The following ERCC5 variants were observed in gnomAD, a reference collection of about 807,000 sequenced individuals.
ERCC5 encodes the protein ERCC excision repair 5, endonuclease.
Under a neutral mutation model 105.6 loss-of-function variants are expected in ERCC5, and 68 were observed. The observed-to-expected ratio is 0.64, with a 90% CI of 0.53 to 0.79. ERCC5 has a LOEUF of 0.79. Ranked by LOEUF, ERCC5 falls within the 30% of genes least tolerant of loss-of-function variation. ERCC5 has a pLI of 0.00. For missense variants in ERCC5, 1,373 were observed against 1,426.7 expected, an observed-to-expected ratio of 0.96 and a Z score of 0.61; for synonymous variants, 546 against 526.2, an observed-to-expected ratio of 1.04 and a Z score of -0.51.
intron 12 of ERCC5, 137 bp from the exon 13 acceptor site, chr13:102,872,061 A>G: frequency 9.5e-7 from 1 of 1,057,244 alleles, no homozygotes; most frequent in Non-Finnish European, 1.4e-6. Flanking sequence ...TAGTACTAAA[A>G]TTAATAAAAT....
chr13:102,872,379 G>T lies in ERCC5; in HGVS notation c.2860G>T (p.Asp954Tyr), dbSNP rs746282385. Residue 954 changes from aspartate to tyrosine, a missense_variant, in exon 13 of 15, where the codon GAT becomes TAT. Coordinates refer to ENST00000652225, the MANE Select transcript of ERCC5 (RefSeq NM_000123.4). ...GGGATCCTTTCTGTGGGGGAAACCT[G>T]ATCTCGACAAAATTAGAGAATATCC... ...SKGSFLWGKPDLDKIREFCQR... is the reference protein window; with the variant it reads ...SKGSFLWGKPYLDKIREFCQR... The T allele has an allele frequency of 6.2e-7, 1 of 1,614,174 alleles. No homozygotes were observed. Among genetic ancestry groups the T allele is most frequent in the South Asian group, 1.1e-5 (1 of 91,078 alleles).
chr13:102,875,656 C>G lies in ERCC5; in HGVS notation c.3314C>G (p.Ala1105Gly), dbSNP rs1368904077. The G allele has an allele frequency of 1.3e-5, 21 of 1,613,970 alleles. No individual in the cohort carries two copies. The highest frequency in any genetic ancestry group is 1.8e-5 in the Non-Finnish European group (21 of 1,179,996). Reference sequence around the variant, plus strand: ...TCTGATGGATCTTCAAGTGAAGATGCTGAAAGTTCATCTTTAATGAATGTA... The same window carrying G: ...TCTGATGGATCTTCAAGTGAAGATGGTGAAAGTTCATCTTTAATGAATGTA... ...ESSDGSSSED[A>G]ESSSLMNVQR... Residue 1105 changes from alanine (A) to glycine (G), a missense_variant, in exon 15 of 15, where the codon GCT becomes GGT. By Grantham distance (60) the Ala-to-Gly change is moderately conservative. Coordinates refer to ENST00000652225, the MANE Select transcript of ERCC5 (RefSeq NM_000123.4).
chr13:102,860,169 A>G (rs1272165938), intron 6 of ERCC5, among the ~76,000 whole-genome samples: 1 of 152,220 alleles, frequency 6.6e-6, no homozygotes, highest in East Asian at 1.9e-4. Flanking sequence ...CAAGAGTATG[A>G]TGCTGGCAAT....
intron 5 of ERCC5, among the ~76,000 whole-genome samples, 185 bp downstream of exon 5, chr13:102,856,297 G>GTATATATA (rs5806327): frequency 6.7e-6 from 1 of 150,118 alleles, no homozygotes; most frequent in African/African-American, 2.4e-5. Context: ...CTACACACGT[G>GTATATATA]TATATATATA....
intron 14 of ERCC5, among the ~76,000 whole-genome samples, chr13:102,873,916 T>C (rs879306767): frequency 6.6e-6 from 1 of 152,188 alleles, no homozygotes; most frequent in Non-Finnish European, 1.5e-5. Flanking sequence ...CCACAAAACA[T>C]ACATACAAAT....
At chr13:102,853,999 C>G in intron 3 of ERCC5, 127 bp downstream of exon 3, 1 of 832,016 alleles carries the variant, frequency 1.2e-6, no homozygotes, top group Non-Finnish European at 1.8e-6. Flanking sequence ...TGAAATGAGA[C>G]AAGTAGGCTG....
intron 4 of ERCC5, among the ~76,000 whole-genome samples, chr13:102,855,733 A>G (rs1276850708): frequency 6.6e-6 from 1 of 152,032 alleles, no homozygotes; most frequent in Non-Finnish European, 1.5e-5. Flanking sequence ...CTACAACTAC[A>G]CTCATTAATT....
At position 102,872,325 on chromosome 13, in the gene ERCC5, T is replaced by A; in HGVS notation, c.2806T>A (p.Tyr936Asn). Residue 936 changes from tyrosine to asparagine, a missense_variant, in exon 13 of 15, where the codon TAC (tyrosine) becomes AAC (asparagine). Tyr to Asn is a moderately radical substitution (Grantham distance 143). Around this residue, in one of 3 missense-constraint regions of ERCC5, gnomAD observed 367 missense variants for 350.2 expected, o/e 1.05. Coordinates refer to ENST00000652225, the MANE Select transcript of ERCC5 (RefSeq NM_000123.4). ...GFPNPAVAEA[Y>N]LKPVVDDSKG... ...TCCTAACCCAGCTGTTGCCGAGGCCTACCTCAAACCCGTGGTGGATGACTC... is the reference window on the plus strand; with the variant it reads ...TCCTAACCCAGCTGTTGCCGAGGCCAACCTCAAACCCGTGGTGGATGACTC... 8 of 1,614,166 alleles carry A rather than the reference T, an allele frequency of 5.0e-6. No homozygotes were observed. The highest frequency in any genetic ancestry group is 6.8e-6 in the Non-Finnish European group (8 of 1,180,024).
rs1364862187 is a variant in ERCC5, at chr13:102,868,150, G to T, written c.2571G>T (p.Leu857Phe). Residue 857 changes from leucine to phenylalanine, a missense_variant, in exon 12 of 15, where the codon TTG (leucine) becomes TTT (phenylalanine). Around this residue, in one of 3 missense-constraint regions of ERCC5, gnomAD observed 1,004 missense variants for 1,059.7 expected, o/e 0.95. Coordinates refer to ENST00000652225, the MANE Select transcript of ERCC5 (RefSeq NM_000123.4). Reference protein sequence around the residue: ...DRNKLINLAYLLGSDYTEGIP... With the variant: ...DRNKLINLAYFLGSDYTEGIP... ...ATAAGTTAATAAATTTGGCTTATTT[G>T]CTTGGAAGTGATTATACCGAAGGAA... 2 of 1,613,964 alleles carry T rather than the reference G, an allele frequency of 1.2e-6. No homozygotes were observed. The highest frequency in any genetic ancestry group is 1.7e-6 in the Non-Finnish European group (2 of 1,180,024).
rs1276970770 is a variant in ERCC5 at position 102,858,426 on chromosome 13, A to G, written c.672+8A>G. On this transcript the variant is annotated splice_region_variant and intron_variant, in intron 6 of 14. Coordinates refer to ENST00000652225, the MANE Select transcript of ERCC5 (RefSeq NM_000123.4). ...TTTGAAGCAATGCCAGAGGTGAAATATGCAACAGTACATTCATGCTTAGAA... is the reference window on the plus strand; with the variant it reads ...TTTGAAGCAATGCCAGAGGTGAAATGTGCAACAGTACATTCATGCTTAGAA... 6.2e-7 allele frequency: 1 copy of G among 1,614,144 alleles called. No individual in the cohort carries two copies.
chr13:102,857,423 G>A (rs1882466796), intron 5 of ERCC5, among the ~76,000 whole-genome samples: 1 of 152,182 alleles, frequency 6.6e-6, no homozygotes, highest in South Asian at 2.1e-4. Context: ...GGGAGCATTA[G>A]TGAGGGAAAG....
intron 1 of ERCC5, 26 bp from the exon 2 acceptor site, chr13:102,852,092 G>A: frequency 6.2e-7 from 1 of 1,613,490 alleles, no homozygotes. Flanking sequence ...AAATCCCGGA[G>A]TTTTTTCCAT....
chr13:102,872,080 T>C (rs533228707), intron 12 of ERCC5, 118 bp from the exon 13 acceptor site: 121 of 1,167,562 alleles, frequency 1.0e-4, no homozygotes, highest in Non-Finnish European at 1.4e-4. Flanking sequence ...ATATTCTATA[T>C]AGCATACAAT....
chr13:102,872,895 G>C (rs188578011), intron 13 of ERCC5, among the ~76,000 whole-genome samples: 1 of 152,324 alleles, frequency 6.6e-6, no homozygotes, highest in East Asian at 1.9e-4. Flanking sequence ...CATTTGGATA[G>C]ATGTTTCAAA....
At position 102,856,297 on chromosome 13, in the gene ERCC5, G is replaced by GTA. The variant is rs5806327; in HGVS notation, c.528+199_528+200dup. Among the ~76,000 whole-genome samples the GTA allele has an allele frequency of 0.67, 100,823 of 150,082 alleles. 34,100 individuals carry two copies. Among genetic ancestry groups the GTA allele is most frequent in the Non-Finnish European group, 0.73 (49,399 of 67,426 alleles). On this transcript the variant is annotated intron_variant, in intron 5 of 14. Transcript: ENST00000652225. ...TTAAAACACACTCACCTACACACGT[G>GTA]TATATATATATATATGGAATTTGCC...
rs1250082533 is a variant in ERCC5, at chr13:102,875,370, A to G, written c.3028A>G (p.Ile1010Val). Residue 1010 changes from isoleucine (I) to valine (V), a missense_variant, in exon 15 of 15, where the codon ATT (isoleucine) becomes GTT (valine). By Grantham distance (29) the Ile-to-Val change is conservative. Coordinates refer to ENST00000652225, the MANE Select transcript of ERCC5 (RefSeq NM_000123.4). ...AQQEKEDAKRIKSQRLNRAVT... is the reference protein window; with the variant it reads ...AQQEKEDAKRVKSQRLNRAVT... ...ACAGGAGAAAGAAGATGCTAAACGT[A>G]TTAAGAGCCAGAGACTAAACAGAGC... 1.9e-6 allele frequency: 3 copies of G among 1,613,888 alleles called. No individual in the cohort carries two copies. Among genetic ancestry groups the G allele is most frequent in the African/African-American group, 2.7e-5 (2 of 74,876 alleles).
rs751787820 is a variant in ERCC5 at position 102,854,333 on chromosome 13, C to G, written c.426C>G (p.Asp142Glu). 1 of 1,614,164 alleles carries G rather than the reference C, an allele frequency of 6.2e-7. No individual in the cohort carries two copies. Among genetic ancestry groups the G allele is most frequent in the South Asian group, 1.1e-5 (1 of 91,078 alleles). The change falls in exon 4 of 15, where the codon GAC becomes GAG. Residue 142 changes from aspartate to glutamate, a missense_variant. Around this residue, in one of 3 missense-constraint regions of ERCC5, gnomAD observed 1,004 missense variants for 1,059.7 expected, o/e 0.95. Coordinates refer to ENST00000652225, the MANE Select transcript of ERCC5 (RefSeq NM_000123.4). ...TTACCCAAGTTCGAAGAGAAAACGA[C>G]CTCTATGTTTTGCCTCCTTTACAAG... The part of the protein sequence containing the change: ...PSLTQVRREN[D>E]LYVLPPLQEE...
rs1322158195 is a variant in ERCC5, at chr13:102,875,399, G to T, written c.3057G>T (p.Val1019=). 6.2e-7 allele frequency: 1 copy of T among 1,614,128 alleles called. No homozygotes were observed. Among genetic ancestry groups the T allele is most frequent in the Admixed American group, 1.7e-5 (1 of 60,012 alleles). The stretch of plus-strand genomic sequence containing the variant: ...AGAGCCAGAGACTAAACAGAGCTGT[G>T]ACATGTATGCTAAGGAAAGAGAAAG... The part of the protein sequence containing the change: ...RIKSQRLNRA[V]TCMLRKEKEA... Residue 1019 remains valine, a synonymous_variant, in exon 15 of 15, where the codon GTG becomes GTT. Coordinates refer to ENST00000652225, the MANE Select transcript of ERCC5 (RefSeq NM_000123.4).
chr13:102,873,808 T>C (rs938864520), intron 14 of ERCC5, among the ~76,000 whole-genome samples: 1 of 152,232 alleles, frequency 6.6e-6, no homozygotes, highest in Non-Finnish European at 1.5e-5. Flanking sequence ...GGAGCCCTTT[T>C]GTATGACCTT....
Sources: allele counts gnomAD v4.1 joint callset (sites outside exome capture counted in the v4.1 genomes callset), GRCh38; gene constraint gnomAD v4.1.1; regional missense constraint gnomAD v4.1.1; transcripts MANE v1.5; gene names NCBI Gene and HGNC (gene_info 2026-07-23, HGNC 2026-07-21).